FKBP15: variants seen among roughly 807,000 people sequenced by gnomAD.
FKBP15 encodes the protein FK506-binding protein 15.
In FKBP15, 106 loss-of-function variants were observed where a neutral mutation model predicts 158.1. That is an observed-to-expected ratio of 0.67 (90% confidence interval 0.57 to 0.79). The LOEUF is 0.79. Ranked by LOEUF, FKBP15 falls within the 30% of genes least tolerant of loss-of-function variation. The probability of loss-of-function intolerance (pLI) is 0.00; values close to 1 mark genes in which losing one functional copy is unlikely to be tolerated. For missense variants in FKBP15, 1,287 were observed against 1,479.1 expected (o/e 0.87, Z 2.13); for synonymous variants, 547 against 548.6 (o/e 1.00, Z 0.04).
At chr9:113,213,405 G>A (rs886960862) in intron 1 of FKBP15, among the ~76,000 whole-genome samples, 14 of 144,600 alleles carry the variant, frequency 9.7e-5, no homozygotes, top group Admixed American at 2.7e-4. Context: ...GCGAAACTCC[G>A]TCTCCAAAAA....
Position 113,166,042 on chromosome 9 carries a change from G to T in FKBP15, c.*36C>A, listed in dbSNP as rs771443691. ...TGTGCAAAATCATGCTTAGGGAAGG[G>T]TTGCAGAGAAACCTTTGCACCAGTT... On this transcript the variant is annotated 3_prime_UTR_variant, in exon 28 of 28. Coordinates refer to ENST00000238256, the MANE Select transcript of FKBP15 (RefSeq NM_015258.2). 5 of 1,591,998 alleles carry T rather than the reference G, an allele frequency of 3.1e-6. No homozygotes were observed. The South Asian group carries it at 4.5e-5, about 14-fold the overall frequency.
intron 11 of FKBP15, among the ~76,000 whole-genome samples, chr9:113,193,081 T>A (rs1005948508): frequency 6.6e-6 from 1 of 152,092 alleles, no homozygotes. Context: ...GGACTATGAG[T>A]TCCTTTTAAC....
chr9:113,199,027 G>T lies in FKBP15; in HGVS notation c.649-104C>A, dbSNP rs1830738156. ...ACCAGCACACTACTTCTGGAATAGG[G>T]AATGTCAAATATACTGGGAAGATAG... is the stretch of plus-strand genomic sequence containing the variant. On this transcript the variant is annotated intron_variant, in intron 7 of 27. Transcript: ENST00000238256. 4 of 758,468 alleles carry T rather than the reference G, an allele frequency of 5.3e-6. No individual in the cohort carries two copies. In the Admixed American group the frequency reaches 6.7e-5, roughly 13 times the overall value. 47.0% of individuals were successfully genotyped at this position (758,468 alleles called of 1,614,324 possible). A position where few individuals can be genotyped will look rare whatever the true frequency, so the allele number is the denominator to read the frequency against.
intron 1 of FKBP15, among the ~76,000 whole-genome samples, chr9:113,215,438 T>G (rs1161838170): frequency 1.3e-5 from 2 of 151,408 alleles, no homozygotes; most frequent in Non-Finnish European, 2.9e-5. Context: ...ATTTATCAAT[T>G]AAGTTCACTA....
chr9:113,211,575 A>G lies in FKBP15; in HGVS notation c.71T>C (p.Leu24Pro), dbSNP rs1270755047. ...AGCAGCTGCCTGATCCAGTCCAAAA[A>G]GTGAGGCCAATCTGGCACTGTTAGT... ...SPSGGARLAS[L>P]FGLDQAAAGH... Residue 24 changes from leucine (L) to proline (P), a missense_variant, in exon 2 of 28, where the codon CTT becomes CCT. Transcript: ENST00000238256. 1.2e-6 allele frequency: 2 copies of G among 1,602,246 alleles called. No homozygotes were observed. Among genetic ancestry groups the G allele is most frequent in the South Asian group, 2.3e-5 (2 of 88,574 alleles).
intron 1 of FKBP15, among the ~76,000 whole-genome samples, chr9:113,212,480 G>C (rs1831028594): frequency 6.6e-6 from 1 of 151,994 alleles, no homozygotes; most frequent in Non-Finnish European, 1.5e-5. Context: ...TGAGCCACCA[G>C]GCCCATCCGA....
chr9:113,187,899 G>A lies in FKBP15; in HGVS notation c.1277C>T (p.Ala426Val). The A allele has an allele frequency of 6.2e-7, 1 of 1,612,000 alleles. No individual in the cohort carries two copies. The highest frequency in any genetic ancestry group is 8.5e-7 in the Non-Finnish European group (1 of 1,178,272). The change falls in exon 14 of 28, where the codon GCA becomes GTA. Residue 426 changes from alanine (A) to valine (V), a missense_variant and splice_region_variant. Ala to Val is a moderately conservative substitution (Grantham distance 64, BLOSUM62 0). Transcript: ENST00000238256. ...GAGCCCAGTAACAGATGGCTGAGGT[G>A]CTAAGATAAAGGGAGACATTTTCAC... Reference protein sequence around the residue: ...HPALPQMTSQAPQPSVTGLQA... With the variant: ...HPALPQMTSQVPQPSVTGLQA...
chr9:113,169,711 T>C lies in FKBP15; in HGVS notation c.2998A>G (p.Thr1000Ala). 2 of 1,613,812 alleles carry C rather than the reference T, an allele frequency of 1.2e-6. No individual in the cohort carries two copies. Among genetic ancestry groups the C allele is most frequent in the African/African-American group, 1.3e-5 (1 of 75,034 alleles). ...CTTCTGTGTCCATCCTGGGAAGTGG[T>C]GAGGGCCTGAGGAGGCAACGGGACA... Reference protein sequence around the residue: ...EAVPLPPQALTTSQDGHRRKG... With the variant: ...EAVPLPPQALATSQDGHRRKG... Residue 1000 changes from threonine (T) to alanine (A), a missense_variant, in exon 26 of 28, where the codon ACC becomes GCC. Transcript: ENST00000238256.
chr9:113,202,829 G>T (rs1830818663), intron 5 of FKBP15, 132 bp downstream of exon 5: 3 of 823,652 alleles, frequency 3.6e-6, no homozygotes, highest in Admixed American at 2.4e-5. Context: ...TTTCTGAAAG[G>T]TTCTGTTAGA....
intron 9 of FKBP15, among the ~76,000 whole-genome samples, chr9:113,195,640 A>C (rs868191701): frequency 1.3e-5 from 2 of 152,282 alleles, no homozygotes; most frequent in Middle Eastern, 3.4e-3. Flanking sequence ...GCCACAGTGA[A>C]GATGACCATA....
chr9:113,199,871 T>C lies in FKBP15; in HGVS notation c.591A>G (p.Gly197=), dbSNP rs979886561. 3.1e-6 allele frequency: 5 copies of C among 1,613,088 alleles called. No homozygotes were observed. The highest frequency in any genetic ancestry group is 4.2e-6 in the Non-Finnish European group (5 of 1,179,624). Reference sequence around the variant, plus strand: ...CGGTATAGGCCACTTCCAAAGAATCTCCAACTTCTACAGCAGGGCCGTCTG... The same window carrying C: ...CGGTATAGGCCACTTCCAAAGAATCCCCAACTTCTACAGCAGGGCCGTCTG... The part of the protein sequence containing the change: ...IVADGPAVEV[G]DSLEVAYTGW... The change falls in exon 7 of 28, where the codon GGA becomes GGG. Residue 197 remains glycine, a synonymous_variant. Coordinates refer to ENST00000238256, the MANE Select transcript of FKBP15 (RefSeq NM_015258.2).
At chr9:113,200,931 C>T (rs1170203725) in intron 6 of FKBP15, among the ~76,000 whole-genome samples, 1 of 151,520 alleles carries the variant, frequency 6.6e-6, no homozygotes, top group Non-Finnish European at 1.5e-5. Flanking sequence ...GTAGTCCCAG[C>T]TACTTGGGAG....
intron 1 of FKBP15, among the ~76,000 whole-genome samples, chr9:113,219,502 G>A (rs1465062579): frequency 6.6e-6 from 1 of 152,102 alleles, no homozygotes; most frequent in Non-Finnish European, 1.5e-5. Flanking sequence ...TAACTGTGGG[G>A]AACAAAAATA....
intron 2 of FKBP15, among the ~76,000 whole-genome samples, chr9:113,210,683 G>T (rs1347964511): frequency 6.6e-6 from 1 of 152,170 alleles, no homozygotes; most frequent in African/African-American, 2.4e-5. Context: ...TGCCAAAGGA[G>T]ATTAACATCT....
At chr9:113,177,183 C>A (rs1564156107) in intron 20 of FKBP15, among the ~76,000 whole-genome samples, 1 of 152,160 alleles carries the variant, frequency 6.6e-6, no homozygotes, top group Non-Finnish European at 1.5e-5. Context: ...TTTTGGCCAC[C>A]ATCTTAACAC....
chr9:113,204,200 C>G (rs1333341464), intron 4 of FKBP15, among the ~76,000 whole-genome samples: 1 of 152,222 alleles, frequency 6.6e-6, no homozygotes, highest in Non-Finnish European at 1.5e-5. Context: ...GCCCCAGCCT[C>G]CCAAGTAGCT....
At position 113,176,683 on chromosome 9, in the gene FKBP15, A is replaced by G. The variant is rs1303159475; in HGVS notation, c.2087-10T>C. 1 of 1,608,166 alleles carries G rather than the reference A, an allele frequency of 6.2e-7. No individual in the cohort carries two copies. The highest frequency in any genetic ancestry group is 1.7e-5 in the Admixed American group (1 of 59,430). ...GAGGTTTCTTGGAGCTCTGGGATAC[A>G]GGAGCAGAGAGACTTCGCTACAGAA... On this transcript the variant is annotated splice_polypyrimidine_tract_variant and intron_variant, in intron 20 of 27. Coordinates refer to ENST00000238256, the MANE Select transcript of FKBP15 (RefSeq NM_015258.2).
intron 1 of FKBP15, among the ~76,000 whole-genome samples, chr9:113,212,209 G>A (rs1587977180): frequency 6.6e-6 from 1 of 151,574 alleles, no homozygotes; most frequent in Admixed American, 6.6e-5. Flanking sequence ...TTTTTTTTTA[G>A]ATGGAGTTTC....
At position 113,163,092 on chromosome 9, in the gene FKBP15, A is replaced by AACC; in HGVS notation, c.*2983_*2985dup. The AACC allele has an allele frequency of 1.8e-6, 1 of 566,210 alleles. No individual in the cohort carries two copies. The highest frequency in any genetic ancestry group is 4.8e-4 in the Middle Eastern group (1 of 2,072). 35.1% of individuals were successfully genotyped at this position (566,210 alleles called of 1,614,324 possible). On this transcript the variant is annotated 3_prime_UTR_variant, in exon 28 of 28. Transcript: ENST00000238256. ...CCTGGAGTTCGGAAGCCATTGCAGC[A>AACC]ACCTTCCTTCTCAGCCAGCCTACGT...
Sources: allele counts gnomAD v4.1 joint callset (sites outside exome capture counted in the v4.1 genomes callset), GRCh38; gene constraint gnomAD v4.1.1; transcripts MANE v1.5; gene names NCBI Gene and HGNC (gene_info 2026-07-23, HGNC 2026-07-21).